FAM107B: variants seen among roughly 807,000 people sequenced by gnomAD.
FAM107B encodes family with sequence similarity 107 member B, also known as protein FAM107B.
Under a neutral mutation model 31.5 loss-of-function variants are expected in FAM107B, and 21 were observed. The observed-to-expected ratio is 0.67, with a 90% CI of 0.47 to 0.96. The LOEUF is 0.96. Ranked by LOEUF, FAM107B falls within the 40% of genes least tolerant of loss-of-function variation. FAM107B has a pLI of 0.00. For synonymous variants in FAM107B, 157 were observed against 141.5 expected (o/e 1.11, Z -0.78); for missense variants, 452 against 377.1 (o/e 1.20, Z -1.64).
At chr10:14,674,592 T>A (rs1172840902) in intron 1 of FAM107B, among the ~76,000 whole-genome samples, 1 of 152,208 alleles carries the variant, frequency 6.6e-6, no homozygotes, top group Non-Finnish European at 1.5e-5. Context: ...GCACTTAGCG[T>A]GAGTACAAAC....
chr10:14,551,283 G>C (rs979463418), intron 2 of FAM107B, among the ~76,000 whole-genome samples: 1 of 152,132 alleles, frequency 6.6e-6, no homozygotes, highest in East Asian at 1.9e-4. Flanking sequence ...GAGTAGCTGG[G>C]ACTACAGGCG....
chr10:14,559,299 G>A (rs935411703), intron 2 of FAM107B, among the ~76,000 whole-genome samples: 2 of 152,120 alleles, frequency 1.3e-5, no homozygotes, highest in African/African-American at 2.4e-5. Flanking sequence ...AGGACCAAGC[G>A]CGTGAGCCAG....
intron 2 of FAM107B, chr10:14,571,676 G>T (rs1418225730): frequency 2.8e-6 from 2 of 704,796 alleles, no homozygotes; most frequent in Non-Finnish European, 1.7e-6. Flanking sequence ...CTGCTATTGT[G>T]TTAACAAGTC....
intron 2 of FAM107B, among the ~76,000 whole-genome samples, chr10:14,583,333 TCG>T (rs971232255): frequency 2.0e-5 from 3 of 152,030 alleles, no homozygotes; most frequent in Admixed American, 1.3e-4. Context: ...GTCAGGGCCC[TCG>T]CGGGGCAGAG....
At chr10:14,773,037 T>C (rs1043946255) in intron 1 of FAM107B, among the ~76,000 whole-genome samples, 4 of 152,134 alleles carry the variant, frequency 2.6e-5, no homozygotes, top group African/African-American at 9.7e-5. Context: ...ACCAAAAATA[T>C]CTTAATCTGG....
At chr10:14,536,318 C>T (rs1263327091) in intron 2 of FAM107B, among the ~76,000 whole-genome samples, 1 of 152,188 alleles carries the variant, frequency 6.6e-6, no homozygotes, top group African/African-American at 2.4e-5. Flanking sequence ...GTGAAACAAC[C>T]TTTTGAACTG....
intron 1 of FAM107B, among the ~76,000 whole-genome samples, chr10:14,711,242 A>G (rs2131538012): frequency 6.6e-6 from 1 of 152,268 alleles, no homozygotes; most frequent in Middle Eastern, 3.4e-3. Context: ...GTGTAGTCTA[A>G]GTGTACAGCA....
intron 1 of FAM107B, among the ~76,000 whole-genome samples, chr10:14,728,028 A>T (rs374775464): frequency 2.0e-5 from 3 of 152,132 alleles, no homozygotes; most frequent in Non-Finnish European, 4.4e-5. Flanking sequence ...TCTGTCTCTT[A>T]TTCACTGCCA....
intron 2 of FAM107B, among the ~76,000 whole-genome samples, chr10:14,655,910 T>C (rs1285750532): frequency 1.3e-5 from 2 of 152,020 alleles, no homozygotes; most frequent in Admixed American, 1.3e-4. Context: ...TGAGGCAGGT[T>C]CTGGGGTGAG....
intron 1 of FAM107B, among the ~76,000 whole-genome samples, chr10:14,693,339 G>A (rs537646088): frequency 3.3e-5 from 5 of 152,152 alleles, no homozygotes; most frequent in Admixed American, 6.5e-5. Context: ...CTAGCAGGGC[G>A]TGGTGGTGGG....
At chr10:14,746,458 T>G (rs892477738) in intron 1 of FAM107B, among the ~76,000 whole-genome samples, 2 of 152,210 alleles carry the variant, frequency 1.3e-5, no homozygotes, top group African/African-American at 4.8e-5. Context: ...TATTTAGTGC[T>G]TCCTTCAGGA....
chr10:14,643,472 T>C (rs1279127002), intron 2 of FAM107B, among the ~76,000 whole-genome samples: 2 of 151,644 alleles, frequency 1.3e-5, no homozygotes, highest in South Asian at 4.2e-4. Flanking sequence ...TGCAGTAATG[T>C]GATCTCGGTT....
chr10:14,591,844 T>C (rs2131342238), intron 2 of FAM107B, among the ~76,000 whole-genome samples: 1 of 152,098 alleles, frequency 6.6e-6, no homozygotes, highest in South Asian at 2.1e-4. Flanking sequence ...ATACAGGGAC[T>C]AGTGGGATGA....
intron 2 of FAM107B, chr10:14,661,564 T>C (rs1854240676): frequency 6.6e-6 from 1 of 152,218 alleles, no homozygotes; most frequent in Non-Finnish European, 1.5e-5. Context: ...TCTCAGGCCT[T>C]TGGACTTGGA....
At chr10:14,708,077 G>A (rs1855560946) in intron 1 of FAM107B, among the ~76,000 whole-genome samples, 1 of 151,580 alleles carries the variant, frequency 6.6e-6, no homozygotes, top group African/African-American at 2.4e-5. Flanking sequence ...CACCTTAGGA[G>A]GACTGTCTTT....
chr10:14,564,845 C>T (rs188014698), intron 2 of FAM107B, among the ~76,000 whole-genome samples: 17 of 152,340 alleles, frequency 1.1e-4, no homozygotes, highest in African/African-American at 3.8e-4. Flanking sequence ...GAACAGGAAT[C>T]CTACTATACC....
intron 2 of FAM107B, among the ~76,000 whole-genome samples, chr10:14,616,324 C>A (rs1362492682): frequency 6.6e-6 from 1 of 152,030 alleles, no homozygotes; most frequent in Non-Finnish European, 1.5e-5. Flanking sequence ...TCAAAAACAC[C>A]ACAGAAATGA....
intron 2 of FAM107B, among the ~76,000 whole-genome samples, chr10:14,630,211 T>C (rs1487055699): frequency 6.6e-6 from 1 of 151,350 alleles, no homozygotes; most frequent in African/African-American, 2.4e-5. Flanking sequence ...AGTAAGCACT[T>C]TATGTCCCAT....
intron 2 of FAM107B, among the ~76,000 whole-genome samples, chr10:14,637,696 A>G (rs1210521302): frequency 2.6e-5 from 4 of 152,088 alleles, no homozygotes; most frequent in African/African-American, 7.2e-5. Context: ...TTCCAAGATG[A>G]TTTTATTCAT....
Sources: gnomAD v4.1 joint callset for allele counts (sites outside exome capture counted in the v4.1 genomes callset) on GRCh38, gnomAD v4.1.1 for gene constraint, MANE v1.5 for transcripts, NCBI Gene and HGNC (gene_info 2026-07-23, HGNC 2026-07-21) for gene names.